The following SETBP1 variants were observed in gnomAD, a reference collection of about 807,000 sequenced individuals.
The protein encoded by SETBP1 is SET-binding protein.
In SETBP1, 9 loss-of-function variants were observed where a neutral mutation model predicts 101.0. The ratio of observed to expected loss-of-function variants is 0.09; its 90% CI spans 0.05 to 0.16. SETBP1 has a LOEUF of 0.16. Among genes scored for constraint, SETBP1 ranks in the 10% least tolerant of loss-of-function variants. SETBP1 has a pLI of 1.00. For missense variants in SETBP1, 1,858 were observed against 2,033.8 expected (o/e 0.91, Z 1.66); for synonymous variants, 818 against 788.5 (o/e 1.04, Z -0.63).
intron 3 of SETBP1, among the ~76,000 whole-genome samples, chr18:44,919,379 C>T (rs2070523744): frequency 6.7e-6 from 1 of 148,406 alleles, no homozygotes. Context: ...CAGAGTCTCA[C>T]TCTGTCACCA....
At chr18:45,006,868 C>T (rs2072740163) in intron 4 of SETBP1, among the ~76,000 whole-genome samples, 1 of 152,186 alleles carries the variant, frequency 6.6e-6, no homozygotes, top group African/African-American at 2.4e-5. Flanking sequence ...TATATTCGCA[C>T]ATCCTCTGTT....
At chr18:44,977,952 G>A (rs188828361) in intron 4 of SETBP1, among the ~76,000 whole-genome samples, 70 of 152,146 alleles carry the variant, frequency 4.6e-4, no homozygotes, top group Admixed American at 1.6e-3. Flanking sequence ...AAAGTTCAGC[G>A]GCATGGTGCA....
At chr18:44,983,999 G>A (rs1043647111) in intron 4 of SETBP1, among the ~76,000 whole-genome samples, 9 of 151,900 alleles carry the variant, frequency 5.9e-5, no homozygotes, top group East Asian at 3.9e-4. Context: ...TCAGGAGTTC[G>A]AGACCACCCC....
chr18:44,743,357 C>A (rs1230024412), intron 2 of SETBP1, among the ~76,000 whole-genome samples: 2 of 152,160 alleles, frequency 1.3e-5, no homozygotes, highest in Non-Finnish European at 2.9e-5. Context: ...CAACAACCGA[C>A]CCTTCCAAGG....
At chr18:45,001,642 G>A (rs1474345727) in intron 4 of SETBP1, among the ~76,000 whole-genome samples, 1 of 152,152 alleles carries the variant, frequency 6.6e-6, no homozygotes, top group Non-Finnish European at 1.5e-5. Flanking sequence ...TACCATTTGT[G>A]CTGGGCCTGC....
chr18:44,944,957 A>C (rs538577259), intron 3 of SETBP1, among the ~76,000 whole-genome samples: 1 of 152,284 alleles, frequency 6.6e-6, no homozygotes, highest in Non-Finnish European at 1.5e-5. Flanking sequence ...ATAAACTAAA[A>C]AGTGCTTTTT....
chr18:44,833,395 G>T (rs2072420503), intron 2 of SETBP1, among the ~76,000 whole-genome samples: 1 of 152,182 alleles, frequency 6.6e-6, no homozygotes, highest in Admixed American at 6.5e-5. Flanking sequence ...GATTTGCTGT[G>T]ACCAGAGGGT....
At chr18:45,045,488 G>A (rs1002499400) in intron 5 of SETBP1, among the ~76,000 whole-genome samples, 3 of 151,230 alleles carry the variant, frequency 2.0e-5, no homozygotes, top group East Asian at 1.9e-4. Flanking sequence ...ACAGCAAGCC[G>A]AACAAGGGCA....
chr18:45,000,378 A>C (rs778489731), intron 4 of SETBP1, among the ~76,000 whole-genome samples: 2 of 152,318 alleles, frequency 1.3e-5, no homozygotes, highest in African/African-American at 4.8e-5. Context: ...AACAGGGGCT[A>C]TAGTGAGCAG....
At chr18:45,010,626 T>A (rs2072818696) in intron 4 of SETBP1, among the ~76,000 whole-genome samples, 1 of 152,272 alleles carries the variant, frequency 6.6e-6, no homozygotes, top group Non-Finnish European at 1.5e-5. Flanking sequence ...GGTGTTACTA[T>A]GAAAATGATT....
At chr18:44,963,305 A>G (rs11875588) in intron 4 of SETBP1, among the ~76,000 whole-genome samples, 1,998 of 152,272 alleles carry the variant, frequency 0.013, 38 homozygotes, top group African/African-American at 0.045. Context: ...CTTTGCTAAA[A>G]ATAGGATATT....
At chr18:44,975,029 C>G (rs897001346) in intron 4 of SETBP1, among the ~76,000 whole-genome samples, 1 of 152,184 alleles carries the variant, frequency 6.6e-6, no homozygotes, top group African/African-American at 2.4e-5. Flanking sequence ...TTATTAACTT[C>G]TATACACGTG....
rs898279708 is a variant in SETBP1 at position 45,006,865 on chromosome 18, G to A, written c.4001-31620G>A. On this transcript the variant is annotated intron_variant, in intron 4 of 5. Transcript: ENST00000649279. ...CAAGAAGAGGAATTGCCTTATATTC[G>A]CACATCCTCTGTTGCACCAAGTGAA... is the stretch of plus-strand genomic sequence containing the variant. 8.5e-5 allele frequency among the ~76,000 whole-genome samples: 13 copies of A among 152,182 alleles called. No individual in the cohort carries two copies. The East Asian group carries it at 9.6e-4, about 11-fold the overall frequency.
chr18:44,965,355 C>A (rs747859668), intron 4 of SETBP1, among the ~76,000 whole-genome samples: 35 of 151,364 alleles, frequency 2.3e-4, no homozygotes, highest in Admixed American at 1.1e-3. Context: ...TCTCATTGGT[C>A]AGTGTTGCCA....
chr18:44,696,361 A>G (rs1356604706), intron 1 of SETBP1, among the ~76,000 whole-genome samples: 1 of 152,232 alleles, frequency 6.6e-6, no homozygotes, highest in Non-Finnish European at 1.5e-5. Flanking sequence ...ACTCTAGGCC[A>G]TCAGAACCAC....
At chr18:44,920,458 T>A (rs2070553007) in intron 3 of SETBP1, among the ~76,000 whole-genome samples, 1 of 152,180 alleles carries the variant, frequency 6.6e-6, no homozygotes, top group Admixed American at 6.5e-5. Flanking sequence ...GAATGTTTAC[T>A]AGAGAAAATG....
At chr18:44,704,024 C>T (rs577314503) in intron 2 of SETBP1, among the ~76,000 whole-genome samples, 6 of 152,318 alleles carry the variant, frequency 3.9e-5, no homozygotes, top group African/African-American at 7.2e-5. Flanking sequence ...AGGATTTAAG[C>T]AGCAACCCAC....
intron 3 of SETBP1, among the ~76,000 whole-genome samples, chr18:44,946,181 C>T (rs151278918): frequency 6.6e-6 from 1 of 152,196 alleles, no homozygotes; most frequent in Non-Finnish European, 1.5e-5. Flanking sequence ...ACCATTCCCC[C>T]CATTACTCCT....
rs374783215 is a variant in SETBP1 at position 44,874,261 on chromosome 18, C to T, written c.540+4978C>T. Among the ~76,000 whole-genome samples the T allele has an allele frequency of 7.9e-5, 12 of 152,308 alleles. No individual in the cohort carries two copies. In the South Asian group the frequency reaches 2.5e-3, roughly 32 times the overall value. ...TAATTTTTAAATGTTTTCGAATACT[C>T]AGTCCATATTCAGACTTTTCTGATC... On this transcript the variant is annotated intron_variant, in intron 3 of 5. Coordinates refer to ENST00000649279, the MANE Select transcript of SETBP1 (RefSeq NM_015559.3).
Sources: allele counts gnomAD v4.1 joint callset (sites outside exome capture counted in the v4.1 genomes callset), GRCh38; gene constraint gnomAD v4.1.1; transcripts MANE v1.5; gene names NCBI Gene and HGNC (gene_info 2026-07-23, HGNC 2026-07-21).